TET3: variants seen among roughly 807,000 people sequenced by gnomAD.
TET3 encodes the protein tet methylcytosine dioxygenase 3.
In TET3, 19 loss-of-function variants were observed where a neutral mutation model predicts 141.4. The ratio of observed to expected loss-of-function variants is 0.13; its 90% CI spans 0.09 to 0.20. The LOEUF is 0.20. Ranked by LOEUF, TET3 falls within the 10% of genes least tolerant of loss-of-function variation. The pLI is 1.00. For missense variants in TET3, 1,874 were observed against 2,356.9 expected (o/e 0.80, Z 4.24); for synonymous variants, 1,043 against 980.9 (o/e 1.06, Z -1.18).
intron 2 of TET3, among the ~76,000 whole-genome samples, chr2:73,991,552 T>G (rs115698014): frequency 0.081 from 12,306 of 152,138 alleles, 709 homozygotes; most frequent in Non-Finnish European, 0.12. Context: ...ACTGCCCTGT[T>G]CAGTCTGTCA....
intron 3 of TET3, among the ~76,000 whole-genome samples, chr2:74,045,122 T>C (rs1332139289): frequency 6.6e-6 from 1 of 152,222 alleles, no homozygotes; most frequent in Non-Finnish European, 1.5e-5. Flanking sequence ...GTTATACATT[T>C]TGGCAGGAGT....
intron 3 of TET3, among the ~76,000 whole-genome samples, chr2:74,028,311 G>A (rs1212262010): frequency 6.6e-6 from 1 of 151,424 alleles, no homozygotes; most frequent in Non-Finnish European, 1.5e-5. Flanking sequence ...TCTTGATGGT[G>A]TCCTTTGAAA....
rs1464766945 is a variant in TET3, at chr2:74,060,831, A to G, written c.2494+12420A>G. ...ACATAGCACATGTTTCAGAGAGCAC[A>G]GGGTTGGGGGTAAGGTCACAGATCA... is the stretch of plus-strand genomic sequence containing the variant. On this transcript the variant is annotated intron_variant, in intron 4 of 11. Coordinates refer to ENST00000409262, the MANE Select transcript of TET3 (RefSeq NM_001287491.2). Among the ~76,000 whole-genome samples, 8 of 152,370 alleles carry G rather than the reference A, an allele frequency of 5.3e-5. 1 individual carries two copies. In the Middle Eastern group the frequency reaches 0.017, roughly 324 times the overall value.
chr2:74,073,623 G>A lies in TET3; in HGVS notation c.2569G>A (p.Glu857Lys), dbSNP rs1267415151. ...TGGCCCCACGGTCGCCTCTATCCGG[G>A]AACTCATGGAGGAGCGGTGAGTGAT... is the stretch of plus-strand genomic sequence containing the variant. The part of the protein sequence containing the change: ...GSGPTVASIR[E>K]LMEERYGEKG... Residue 857 changes from glutamate to lysine, a missense_variant, in exon 5 of 12, where the codon GAA becomes AAA. By Grantham distance (56) the Glu-to-Lys change is moderately conservative (BLOSUM62 1). Around this residue, in one of 10 missense-constraint regions of TET3, gnomAD observed 126 missense variants for 327.4 expected, o/e 0.38. Coordinates refer to ENST00000409262, the MANE Select transcript of TET3 (RefSeq NM_001287491.2). 6.2e-7 allele frequency: 1 copy of A among 1,611,296 alleles called. No homozygotes were observed. Among genetic ancestry groups the A allele is most frequent in the Non-Finnish European group, 8.5e-7 (1 of 1,178,902 alleles).
rs373118432 is a variant in TET3, at chr2:74,046,899, G to A, written c.982G>A (p.Val328Met). The change falls in exon 4 of 12, where the codon GTG becomes ATG. Residue 328 changes from valine to methionine, a missense_variant. Around this residue, in one of 10 missense-constraint regions of TET3, gnomAD observed 366 missense variants for 487.0 expected, o/e 0.75. Transcript: ENST00000409262. This position sits in a 1 kb window ranked among gnomAD's most constrained non-coding sequence, Gnocchi z 4.3. ...CACCAGGCCACTCCTCAGCTCAGAGGTGCCCCAGATCTCTCCCCAAGAGGG... is the reference window on the plus strand; with the variant it reads ...CACCAGGCCACTCCTCAGCTCAGAGATGCCCCAGATCTCTCCCCAAGAGGG... ...PSTRPLLSSE[V>M]PQISPQEGLP... The A allele has an allele frequency of 1.2e-6, 2 of 1,613,670 alleles. No individual in the cohort carries two copies. The highest frequency in any genetic ancestry group is 1.7e-6 in the Non-Finnish European group (2 of 1,179,866).
At chr2:74,132,468 G>C in the TET3 span, among the ~76,000 whole-genome samples, 4 of 152,226 alleles carry the variant, frequency 2.6e-5, no homozygotes, top group Admixed American at 1.3e-4. Context: ...GCTTACTGCA[G>C]CCTCAAACTC....
the TET3 span, chr2:74,134,685 T>C: frequency 4.4e-6 from 2 of 456,632 alleles, no homozygotes; most frequent in Non-Finnish European, 8.8e-6. Context: ...AGTCACAAGA[T>C]GTCTGAGAAA....
At chr2:74,066,253 T>C (rs1688892404) in intron 4 of TET3, among the ~76,000 whole-genome samples, 1 of 152,228 alleles carries the variant, frequency 6.6e-6, no homozygotes, top group Admixed American at 6.5e-5. Flanking sequence ...CTCCTTTATG[T>C]TATGCTTAAT....
intron 3 of TET3, among the ~76,000 whole-genome samples, chr2:74,033,520 G>C (rs1686865692): frequency 6.6e-6 from 1 of 152,080 alleles, no homozygotes; most frequent in African/African-American, 2.4e-5. Flanking sequence ...AAGCAGTTGT[G>C]TACATCTACT....
intron 4 of TET3, among the ~76,000 whole-genome samples, chr2:74,066,009 G>A (rs572773471): frequency 6.6e-6 from 1 of 152,248 alleles, no homozygotes; most frequent in South Asian, 2.1e-4. Flanking sequence ...CGCCTGCCTT[G>A]GCCTCCCAAA....
At chr2:74,040,284 A>G (rs562675408) in intron 3 of TET3, among the ~76,000 whole-genome samples, 1 of 152,170 alleles carries the variant, frequency 6.6e-6, no homozygotes, top group South Asian at 2.1e-4. Flanking sequence ...TTGGGGATAC[A>G]TAGAGTTGCT....
intron 2 of TET3, among the ~76,000 whole-genome samples, chr2:73,994,611 T>C (rs548417975): frequency 7.2e-6 from 1 of 138,688 alleles, no homozygotes; most frequent in Admixed American, 6.9e-5. Context: ...TCAGGTCTAT[T>C]TTTTTTCTTT....
downstream of TET3, among the ~76,000 whole-genome samples, chr2:74,110,634 C>G (rs766473078): frequency 2.0e-5 from 3 of 152,134 alleles, no homozygotes; most frequent in South Asian, 6.2e-4. Flanking sequence ...CCCCCAGCAC[C>G]TCATCCCCAC....
intron 4 of TET3, among the ~76,000 whole-genome samples, chr2:74,066,371 CAAG>C (rs1182468609): frequency 6.6e-6 from 1 of 152,068 alleles, no homozygotes; most frequent in South Asian, 2.1e-4. Context: ...ATTTACATAA[CAAG>C]AAATCGATGG....
At chr2:74,050,641 C>G (rs1687895361) in intron 4 of TET3, among the ~76,000 whole-genome samples, 3 of 152,070 alleles carry the variant, frequency 2.0e-5, no homozygotes, top group South Asian at 2.1e-4. Flanking sequence ...CCTCCACTTC[C>G]TGGGCTCAAG....
At chr2:74,112,699 A>G (rs778786351), downstream of TET3, among the ~76,000 whole-genome samples, 8 of 152,208 alleles carry the variant, frequency 5.3e-5, no homozygotes, top group Non-Finnish European at 8.8e-5. Context: ...TACTTTCAAA[A>G]AGATTAAAAA....
rs1691355656 is a variant in TET3, at chr2:74,103,717, T to G, written c.*1541T>G. 2 of 153,538 alleles carry G rather than the reference T, an allele frequency of 1.3e-5. No homozygotes were observed. Among genetic ancestry groups the G allele is most frequent in the African/African-American group, 4.8e-5 (2 of 41,448 alleles). The allele number at this position is 153,538 out of a possible 1,614,324, so 9.5% of individuals were successfully genotyped here. ...GGGAGCAACACTCATCATCACCAAG[T>G]CAAACTTTGTTGGAGTGTTGGTTTT... On this transcript the variant is annotated 3_prime_UTR_variant, in exon 12 of 12. Coordinates refer to ENST00000409262, the MANE Select transcript of TET3 (RefSeq NM_001287491.2).
chr2:74,068,917 GC>G (rs1689049736), intron 4 of TET3, among the ~76,000 whole-genome samples: 1 of 152,120 alleles, frequency 6.6e-6, no homozygotes, highest in African/African-American at 2.4e-5. Context: ...AAGGAAATTA[GC>G]CTTTTGACTG....
chr2:74,108,551 G>A (rs984089752), downstream of TET3, among the ~76,000 whole-genome samples: 1 of 152,126 alleles, frequency 6.6e-6, no homozygotes, highest in Non-Finnish European at 1.5e-5. Context: ...AATGCTGCTT[G>A]GTTCGGATGG....
Sources: allele counts gnomAD v4.1 joint callset (sites outside exome capture counted in the v4.1 genomes callset), GRCh38; gene constraint gnomAD v4.1.1; regional missense constraint gnomAD v4.1.1; non-coding constraint Gnocchi (gnomAD v3.1); transcripts MANE v1.5; gene names NCBI Gene and HGNC (gene_info 2026-07-23, HGNC 2026-07-21).